The following NKAIN3 variants were observed in gnomAD, a reference collection of about 807,000 sequenced individuals.
NKAIN3 encodes sodium/potassium transporting ATPase interacting 3, also known as sodium/potassium-transporting ATPase subunit beta-1-interacting protein 3.
NKAIN3 carries 25 observed loss-of-function variants against 30.2 expected under a neutral mutation model. That is an observed-to-expected ratio of 0.83 (90% CI 0.60 to 1.16). The LOEUF (loss-of-function observed/expected upper bound fraction) is 1.16. NKAIN3 is among the 50% of genes most tolerant of loss of function. The pLI is 0.00. For missense variants in NKAIN3, 225 were observed against 254.1 expected (o/e 0.89, Z 0.78); for synonymous variants, 91 against 89.6 (o/e 1.02, Z -0.09).
At chr8:62,480,655 G>GA (rs1295010295) in intron 1 of NKAIN3, among the ~76,000 whole-genome samples, 2 of 151,530 alleles carry the variant, frequency 1.3e-5, no homozygotes, top group Non-Finnish European at 2.9e-5. Context: ...AGGGCTAATT[G>GA]AAAAAAAGGC....
Position 62,329,636 on chromosome 8 carries a change from C to T in NKAIN3, c.54+80509C>T, listed in dbSNP as rs138811420. ...ATTAGTCGCTTAGGATAATAGCCTC[C>T]AGCTCCATCAGTGGTACTGCAAAGG... is the stretch of plus-strand genomic sequence containing the variant. On this transcript the variant is annotated intron_variant, in intron 1 of 6. Coordinates refer to ENST00000623646, the MANE Select transcript of NKAIN3 (RefSeq NM_001304533.3). Among the ~76,000 whole-genome samples, 1,089 of 152,226 alleles carry T rather than the reference C, an allele frequency of 7.2e-3. 17 individuals are homozygous for T. The highest frequency in any genetic ancestry group is 0.025 in the African/African-American group (1,038 of 41,562).
At chr8:62,327,483 A>G (rs1585684631) in intron 1 of NKAIN3, among the ~76,000 whole-genome samples, 1 of 152,124 alleles carries the variant, frequency 6.6e-6, no homozygotes, top group East Asian at 1.9e-4. Context: ...GCTTTTAGCT[A>G]ATTTTTGTAT....
In NKAIN3 at chr8:62,861,697, T is replaced by A. The variant is rs140127143; in HGVS notation, c.472-56756T>A. Among the ~76,000 whole-genome samples, 270 of 152,312 alleles carry A rather than the reference T, an allele frequency of 1.8e-3. 1 individual carries two copies. The Middle Eastern group carries it at 0.02, about 12-fold the overall frequency. On this transcript the variant is annotated intron_variant, in intron 4 of 6. Transcript: ENST00000623646. ...GCCAGGTACATGTATTCATGATCAG[T>A]CAAAGATGTCATCCCATGGAGAATT...
At chr8:62,959,374 G>A (rs751563849) in intron 6 of NKAIN3, among the ~76,000 whole-genome samples, 1 of 151,668 alleles carries the variant, frequency 6.6e-6, no homozygotes, top group Non-Finnish European at 1.5e-5. Context: ...GTAAGTTGAT[G>A]TCAGGCCATT....
chr8:62,509,718 C>A (rs779997282), intron 1 of NKAIN3, among the ~76,000 whole-genome samples: 3 of 152,110 alleles, frequency 2.0e-5, no homozygotes, highest in Non-Finnish European at 4.4e-5. Context: ...TAGGAATTTT[C>A]TTTCTTATCG....
intron 1 of NKAIN3, among the ~76,000 whole-genome samples, chr8:62,297,718 G>T (rs1198043868): frequency 3.9e-5 from 6 of 152,130 alleles, no homozygotes; most frequent in Non-Finnish European, 2.9e-5. Flanking sequence ...CTTTTACACT[G>T]TTGGTGGGAA....
intron 3 of NKAIN3, among the ~76,000 whole-genome samples, chr8:62,737,490 T>A (rs6996317): frequency 0.87 from 133,096 of 152,176 alleles, 58,319 homozygotes; most frequent in Admixed American, 0.9. Context: ...TTTGGCTTTC[T>A]CTGGACCACT....
chr8:62,437,260 C>T (rs1805199029), intron 1 of NKAIN3, among the ~76,000 whole-genome samples: 1 of 152,092 alleles, frequency 6.6e-6, no homozygotes. Context: ...ATAGGTACAA[C>T]TAGCTTATCT....
intron 1 of NKAIN3, among the ~76,000 whole-genome samples, chr8:62,409,502 C>A (rs1009496562): frequency 6.6e-6 from 1 of 152,090 alleles, no homozygotes; most frequent in Admixed American, 6.6e-5. Flanking sequence ...CGGTTATACT[C>A]ATTTTAAGTA....
At position 62,970,749 on chromosome 8, in the gene NKAIN3, C is replaced by G. The variant is rs1563650242; in HGVS notation, c.*5342C>G. 6.6e-6 allele frequency among the ~76,000 whole-genome samples: 1 copy of G among 152,156 alleles called. No individual in the cohort carries two copies. The highest frequency in any genetic ancestry group is 1.5e-5 in the Non-Finnish European group (1 of 68,032). The stretch of plus-strand genomic sequence containing the variant: ...GGATTTGAACAGTCAGTTTTTAACT[C>G]AGAATTTTGTTCTTGTTTCTTTGAT... On this transcript the variant is annotated 3_prime_UTR_variant, in exon 7 of 7. Coordinates refer to ENST00000623646, the MANE Select transcript of NKAIN3 (RefSeq NM_001304533.3).
chr8:62,251,822 C>G (rs1812112802), intron 1 of NKAIN3, among the ~76,000 whole-genome samples: 1 of 152,154 alleles, frequency 6.6e-6, no homozygotes, highest in South Asian at 2.1e-4. Flanking sequence ...TTCAAGTATA[C>G]TTTATATAGC....
chr8:62,491,065 T>C (rs550578058), intron 1 of NKAIN3, among the ~76,000 whole-genome samples: 1 of 152,184 alleles, frequency 6.6e-6, no homozygotes, highest in South Asian at 2.1e-4. Flanking sequence ...GTGGTAAATG[T>C]TTACTGTTTA....
chr8:62,552,899 T>C (rs6991837), intron 1 of NKAIN3, among the ~76,000 whole-genome samples: 56,028 of 152,028 alleles, frequency 0.37, 12,271 homozygotes, highest in Non-Finnish European at 0.5. Flanking sequence ...AAGTTGGCCA[T>C]ACAATTGCAA....
chr8:62,805,782 A>G (rs1247206700), intron 4 of NKAIN3, among the ~76,000 whole-genome samples: 1 of 152,192 alleles, frequency 6.6e-6, no homozygotes. Context: ...CAATGGCAAC[A>G]AAAGCCAAAA....
chr8:62,482,130 G>A (rs1806741986), intron 1 of NKAIN3: 1 of 152,200 alleles, frequency 6.6e-6, no homozygotes, highest in African/African-American at 2.4e-5. Context: ...GCCTTTCACT[G>A]TTGGTTATCG....
intron 3 of NKAIN3, among the ~76,000 whole-genome samples, chr8:62,659,265 C>A (rs1812864557): frequency 6.6e-6 from 1 of 152,194 alleles, no homozygotes; most frequent in Non-Finnish European, 1.5e-5. Flanking sequence ...GTGGTAGTGA[C>A]CTGCTTTGTG....
At chr8:62,542,397 A>G (rs1018886926) in intron 1 of NKAIN3, among the ~76,000 whole-genome samples, 1 of 152,182 alleles carries the variant, frequency 6.6e-6, no homozygotes, top group African/African-American at 2.4e-5. Context: ...TTTGGATAAA[A>G]CAACATGATA....
intron 1 of NKAIN3, among the ~76,000 whole-genome samples, chr8:62,344,318 T>C (rs1261634080): frequency 6.6e-6 from 1 of 152,152 alleles, no homozygotes; most frequent in Non-Finnish European, 1.5e-5. Context: ...TGTAATTATG[T>C]ACATATATTA....
At chr8:62,325,849 TTGTC>T (rs1244220155) in intron 1 of NKAIN3, among the ~76,000 whole-genome samples, 1 of 152,112 alleles carries the variant, frequency 6.6e-6, no homozygotes. Flanking sequence ...TTCATGTCCT[TTGTC>T]TGTATTTTGA....
Sources: allele counts gnomAD v4.1 joint callset (sites outside exome capture counted in the v4.1 genomes callset), GRCh38; gene constraint gnomAD v4.1.1; transcripts MANE v1.5; gene names NCBI Gene and HGNC (gene_info 2026-07-23, HGNC 2026-07-21).